The following CALN1 variants were observed in gnomAD, a reference collection of about 807,000 sequenced individuals.
CALN1 encodes calneuron 1.
A neutral mutation model predicts 30.6 loss-of-function variants in CALN1; 17 were observed. That is an observed-to-expected ratio of 0.56 (90% CI 0.38 to 0.83). CALN1 has a LOEUF of 0.83. CALN1 is among the 40% of genes least tolerant of loss of function. The pLI, the probability that CALN1 is intolerant of heterozygous loss-of-function variation, is 0.00. For missense variants in CALN1, 291 were observed against 354.9 expected (o/e 0.82, Z 1.45); for synonymous variants, 156 against 131.4 (o/e 1.19, Z -1.28).
At chr7:72,496,377 A>G in the CALN1 span, among the ~76,000 whole-genome samples, 38 of 147,982 alleles carry the variant, frequency 2.6e-4, no homozygotes, top group African/African-American at 8.5e-4. Context: ...AGTTTGTATC[A>G]GAAAAAACCA....
intron 3 of CALN1, among the ~76,000 whole-genome samples, chr7:72,206,616 T>C (rs2129547830): frequency 6.6e-6 from 1 of 152,294 alleles, no homozygotes; most frequent in Non-Finnish European, 1.5e-5. Context: ...TTTATTTATT[T>C]CTTTTCTTGT....
At chr7:72,212,803 GA>G (rs1396867805) in intron 3 of CALN1, among the ~76,000 whole-genome samples, 1 of 152,140 alleles carries the variant, frequency 6.6e-6, no homozygotes, top group African/African-American at 2.4e-5. Flanking sequence ...AACACAGCAA[GA>G]CTCTGACTCC....
At chr7:72,413,262 A>T (rs1338145206), upstream of CALN1, among the ~76,000 whole-genome samples, 1 of 151,186 alleles carries the variant, frequency 6.6e-6, no homozygotes, top group Non-Finnish European at 1.5e-5. Flanking sequence ...ACACATATAC[A>T]TTCACACACA....
chr7:71,916,836 C>T (rs941778574), intron 5 of CALN1, among the ~76,000 whole-genome samples: 4 of 152,034 alleles, frequency 2.6e-5, no homozygotes, highest in East Asian at 1.9e-4. Context: ...AAAATTCTTG[C>T]GATGTAAGTA....
intron 3 of CALN1, among the ~76,000 whole-genome samples, chr7:72,263,378 A>G (rs946287704): frequency 2.0e-5 from 3 of 152,068 alleles, no homozygotes; most frequent in African/African-American, 4.8e-5. Context: ...TCAACCATGC[A>G]TTTTTATTTT....
chr7:72,304,589 T>C (rs1585421124), intron 2 of CALN1, among the ~76,000 whole-genome samples: 1 of 151,880 alleles, frequency 6.6e-6, no homozygotes. Context: ...GCCTCTGACA[T>C]GGGGGGGGTA....
chr7:72,296,143 C>T (rs1478892231), intron 2 of CALN1, among the ~76,000 whole-genome samples: 2 of 151,898 alleles, frequency 1.3e-5, no homozygotes, highest in African/African-American at 4.8e-5. Context: ...GTCTTTGGCT[C>T]TGTTTATATG....
Position 71,785,516 on chromosome 7 carries a change from C to T in CALN1, c.*2259G>A, listed in dbSNP as rs2115801553. 1 of 152,288 alleles carries T rather than the reference C, an allele frequency of 6.6e-6. No homozygotes were observed. The highest frequency in any genetic ancestry group is 1.9e-4 in the East Asian group (1 of 5,178). The allele number at this position is 152,288 out of a possible 1,614,324, so 9.4% of individuals were successfully genotyped here. On this transcript the variant is annotated 3_prime_UTR_variant, in exon 7 of 7. Transcript: ENST00000395275. ...GCCTCAGCTGCAGCATTTCAGTCCC[C>T]TCTCATGGAGGAGGGGGCTTTGAAG...
At chr7:72,382,612 C>CCCT (rs1446565911) in intron 2 of CALN1, among the ~76,000 whole-genome samples, 2 of 152,168 alleles carry the variant, frequency 1.3e-5, no homozygotes, top group Non-Finnish European at 2.9e-5. Flanking sequence ...TTCCCCACCT[C>CCCT]CCTCCCTTTC....
intron 1 of CALN1, among the ~76,000 whole-genome samples, chr7:72,431,766 C>T (rs958840073): frequency 4.7e-5 from 7 of 149,476 alleles, no homozygotes; most frequent in Non-Finnish European, 1.5e-5. Context: ...CTTTGGAGTC[C>T]AGGAGTTCAA....
At chr7:72,263,090 G>T (rs1437642084) in intron 3 of CALN1, among the ~76,000 whole-genome samples, 3 of 152,208 alleles carry the variant, frequency 2.0e-5, no homozygotes, top group Non-Finnish European at 4.4e-5. Flanking sequence ...TTGCCCCAGT[G>T]TTGGGGTGGT....
chr7:72,438,375 G>A (rs932161960), intron 1 of CALN1, among the ~76,000 whole-genome samples: 3 of 152,114 alleles, frequency 2.0e-5, no homozygotes, highest in African/African-American at 7.2e-5. Flanking sequence ...TCCCACCTCA[G>A]CCTCCCAGAG....
At chr7:72,257,528 T>C (rs570937712) in intron 3 of CALN1, among the ~76,000 whole-genome samples, 2 of 152,296 alleles carry the variant, frequency 1.3e-5, no homozygotes, top group South Asian at 2.1e-4. Flanking sequence ...TGTAAACTAG[T>C]ACAACCACTA....
At chr7:72,123,237 T>G (rs1442092559) in intron 3 of CALN1, among the ~76,000 whole-genome samples, 1 of 152,186 alleles carries the variant, frequency 6.6e-6, no homozygotes, top group Non-Finnish European at 1.5e-5. Flanking sequence ...TCTAGCTGCC[T>G]GCTAGAAGTG....
intron 5 of CALN1, among the ~76,000 whole-genome samples, chr7:71,938,330 G>A (rs1795952783): frequency 6.6e-6 from 1 of 152,102 alleles, no homozygotes; most frequent in African/African-American, 2.4e-5. Context: ...CACAGAAGGT[G>A]CTCAAAAAAC....
chr7:72,010,256 C>T (rs1001876300), intron 5 of CALN1, among the ~76,000 whole-genome samples: 1 of 152,088 alleles, frequency 6.6e-6, no homozygotes, highest in African/African-American at 2.4e-5. Context: ...ATCCCCTTAT[C>T]CCAAGGGATG....
intron 4 of CALN1, among the ~76,000 whole-genome samples, chr7:72,034,218 G>A (rs1214785046): frequency 6.6e-6 from 1 of 151,938 alleles, no homozygotes; most frequent in Non-Finnish European, 1.5e-5. Context: ...GCTGGGCGTG[G>A]TGGCGGGCGC....
At chr7:72,065,367 G>A (rs1301076363) in intron 4 of CALN1, among the ~76,000 whole-genome samples, 5 of 151,896 alleles carry the variant, frequency 3.3e-5, no homozygotes, top group African/African-American at 1.2e-4. Flanking sequence ...CACAGCAGTG[G>A]CCTCCCCGCC....
At chr7:71,833,816 G>A (rs1015282204) in intron 5 of CALN1, among the ~76,000 whole-genome samples, 2 of 152,102 alleles carry the variant, frequency 1.3e-5, no homozygotes, top group Non-Finnish European at 2.9e-5. Flanking sequence ...GGGAAGCTGA[G>A]GTGGGAGGAT....
Sources: gnomAD v4.1 joint callset for allele counts (sites outside exome capture counted in the v4.1 genomes callset) on GRCh38, gnomAD v4.1.1 for gene constraint, MANE v1.5 for transcripts, NCBI Gene and HGNC (gene_info 2026-07-23, HGNC 2026-07-21) for gene names.